The following DLC1 variants were observed in gnomAD, a reference collection of about 807,000 sequenced individuals.
DLC1 encodes rho GTPase-activating protein 7.
Under a neutral mutation model 140.3 loss-of-function variants are expected in DLC1, and 54 were observed. The ratio of observed to expected loss-of-function variants is 0.38; its 90% CI spans 0.31 to 0.48. DLC1 has a LOEUF of 0.48. Among genes scored for constraint, DLC1 ranks in the 20% least tolerant of loss-of-function variants. The pLI, the probability that DLC1 is intolerant of heterozygous loss-of-function variation, is 0.96. For synonymous variants in DLC1, 986 were observed against 728.1 expected (o/e 1.35, Z -5.70); for missense variants, 2,536 against 1,907.0 (o/e 1.33, Z -6.14).
intron 2 of DLC1, among the ~76,000 whole-genome samples, chr8:13,452,174 A>G (rs1201348385): frequency 6.6e-6 from 1 of 150,828 alleles, no homozygotes. Flanking sequence ...TGTTAATTTA[A>G]TAATTAAAAT....
At chr8:13,262,930 A>T (rs1453697717) in intron 5 of DLC1, among the ~76,000 whole-genome samples, 1 of 152,240 alleles carries the variant, frequency 6.6e-6, no homozygotes, top group Non-Finnish European at 1.5e-5. Context: ...AGATAGAGAC[A>T]CTGGATTTTA....
chr8:13,237,455 TATG>T lies in DLC1; in HGVS notation c.1348+67811_1348+67813del, dbSNP rs1292856296. Among the ~76,000 whole-genome samples the T allele has an allele frequency of 3.3e-5, 5 of 151,996 alleles. No homozygotes were observed. In the East Asian group the frequency reaches 9.7e-4, roughly 29 times the overall value. ...ATTCTTTTTTCCAGTTCAGTTTTAT[TATG>T]ATGATTATTTCTTTATTTCAATAGT... On this transcript the variant is annotated intron_variant, in intron 5 of 17. Transcript: ENST00000276297.
At chr8:13,361,358 A>G (rs776862755) in intron 4 of DLC1, among the ~76,000 whole-genome samples, 2 of 151,896 alleles carry the variant, frequency 1.3e-5, no homozygotes, top group African/African-American at 2.4e-5. Flanking sequence ...GGGCTCAAGC[A>G]ATCCTCCTGA....
intron 1 of DLC1, among the ~76,000 whole-genome samples, chr8:13,570,619 A>G (rs926176514): frequency 6.6e-4 from 100 of 151,134 alleles, no homozygotes; most frequent in African/African-American, 2.3e-3. Flanking sequence ...TACAAAGGAC[A>G]TGAACTCATC....
At chr8:13,495,956 A>G (rs770405182) in intron 2 of DLC1, among the ~76,000 whole-genome samples, 7 of 152,240 alleles carry the variant, frequency 4.6e-5, no homozygotes, top group Non-Finnish European at 1.0e-4. Context: ...ATTCAATCAC[A>G]TGATTATCAG....
chr8:13,514,287 A>G (rs1802506457), intron 1 of DLC1, among the ~76,000 whole-genome samples: 1 of 152,214 alleles, frequency 6.6e-6, no homozygotes, highest in Non-Finnish European at 1.5e-5. Context: ...GTTTCACGTT[A>G]TGCCAAGAAA....
chr8:13,194,487 G>A lies in DLC1; in HGVS notation c.1349-78830C>T, dbSNP rs1338598359. Among the ~76,000 whole-genome samples, 3 of 152,310 alleles carry A rather than the reference G, an allele frequency of 2.0e-5. No homozygotes were observed. In the East Asian group the frequency reaches 5.8e-4, roughly 29 times the overall value. ...TCCTGGAGTAAAAGAAGGCCCTGGT[G>A]AACTGTGTATCCTGGAATTGGATAT... is the stretch of plus-strand genomic sequence containing the variant. On this transcript the variant is annotated intron_variant, in intron 5 of 17. Coordinates refer to ENST00000276297, the MANE Select transcript of DLC1 (RefSeq NM_182643.3).
chr8:13,105,737 C>A (rs2128942312), intron 7 of DLC1, among the ~76,000 whole-genome samples: 1 of 151,956 alleles, frequency 6.6e-6, no homozygotes, highest in East Asian at 1.9e-4. Context: ...GCCACCAGGC[C>A]CAGCTAATTT....
chr8:13,595,943 A>G (rs1490587438), intron 1 of DLC1, among the ~76,000 whole-genome samples: 2 of 152,032 alleles, frequency 1.3e-5, no homozygotes, highest in Admixed American at 6.6e-5. Context: ...AAAGCAATCT[A>G]TACAAAATAA....
chr8:13,187,713 T>A (rs1826466062), intron 5 of DLC1, among the ~76,000 whole-genome samples: 1 of 152,190 alleles, frequency 6.6e-6, no homozygotes, highest in Non-Finnish European at 1.5e-5. Flanking sequence ...AGGAAATTAA[T>A]CAAAATCATC....
chr8:13,145,556 G>C (rs745787500), intron 5 of DLC1, among the ~76,000 whole-genome samples: 16 of 152,094 alleles, frequency 1.1e-4, no homozygotes, highest in Non-Finnish European at 2.2e-4. Context: ...TTTCTTTAGA[G>C]AAACTCCAAA....
At chr8:13,191,255 C>A (rs572124557) in intron 5 of DLC1, among the ~76,000 whole-genome samples, 25 of 152,276 alleles carry the variant, frequency 1.6e-4, no homozygotes, top group African/African-American at 6.0e-4. Context: ...GCCTGTAATC[C>A]CAGCACTTTG....
chr8:13,133,325 T>C (rs1822286969), intron 5 of DLC1: 1 of 1,176,064 alleles, frequency 8.5e-7, no homozygotes, highest in Non-Finnish European at 1.1e-6. Context: ...GCCCTCCCGC[T>C]GGGCCCACCC....
chr8:13,282,507 C>G (rs185559648), intron 5 of DLC1, among the ~76,000 whole-genome samples: 1 of 152,174 alleles, frequency 6.6e-6, no homozygotes, highest in East Asian at 1.9e-4. Flanking sequence ...TGTAAAAAAT[C>G]TATAACTTAT....
chr8:13,173,432 C>T lies in DLC1; in HGVS notation c.1349-57775G>A, dbSNP rs1162675368. On this transcript the variant is annotated intron_variant, in intron 5 of 17. Coordinates refer to ENST00000276297, the MANE Select transcript of DLC1 (RefSeq NM_182643.3). The stretch of plus-strand genomic sequence containing the variant: ...CTATCTCCAGGCTGGAGCGCAGTGG[C>T]GCGATCTCGGCTCACTGCAAACTCC... 3.1e-5 allele frequency among the ~76,000 whole-genome samples: 4 copies of T among 130,746 alleles called. No homozygotes were observed. In the East Asian group the frequency reaches 8.0e-4, roughly 26 times the overall value. 85.8% of individuals were successfully genotyped at this position (130,746 alleles called of 152,430 possible).
intron 3 of DLC1, among the ~76,000 whole-genome samples, chr8:13,398,129 C>CA (rs34722653): frequency 0.42 from 63,177 of 149,872 alleles, 13,571 homozygotes; most frequent in East Asian, 0.77. Flanking sequence ...GAGTCCATCT[C>CA]AAAAAAAAGA....
At chr8:13,398,342 A>G (rs941736603) in intron 3 of DLC1, among the ~76,000 whole-genome samples, 1 of 152,106 alleles carries the variant, frequency 6.6e-6, no homozygotes, top group Non-Finnish European at 1.5e-5. Context: ...AAACTAAGGA[A>G]GGATTTATTG....
At chr8:13,309,372 A>G (rs765222012) in intron 4 of DLC1, among the ~76,000 whole-genome samples, 1 of 152,138 alleles carries the variant, frequency 6.6e-6, no homozygotes, top group Non-Finnish European at 1.5e-5. Flanking sequence ...AACCTTTTCT[A>G]TGGCTCCCAA....
rs1359665192 is a variant in DLC1 at position 13,312,377 on chromosome 8, A to AT, written c.1315-7076_1315-7075insA. ...CTCCGTCTCAAAAAAAAAAAAAAAA[A>AT]AAAAAAAAAAATAATTTCTTTAGCA... is the stretch of plus-strand genomic sequence containing the variant. On this transcript the variant is annotated intron_variant, in intron 4 of 17. Transcript: ENST00000276297. Among the ~76,000 whole-genome samples, 1,062 of 114,724 alleles carry AT rather than the reference A, an allele frequency of 9.3e-3. 95 individuals carry two copies. Among genetic ancestry groups the AT allele is most frequent in the African/African-American group, 0.036 (999 of 27,822 alleles). 75.3% of individuals were successfully genotyped at this position (114,724 alleles called of 152,430 possible).
Sources: gnomAD v4.1 joint callset for allele counts (sites outside exome capture counted in the v4.1 genomes callset) on GRCh38, gnomAD v4.1.1 for gene constraint, MANE v1.5 for transcripts, NCBI Gene and HGNC (gene_info 2026-07-23, HGNC 2026-07-21) for gene names.